Variants in CD300C observed in about 807,000 individuals in gnomAD.
CD300C encodes CMRF35-like molecule 6.
Under a neutral mutation model 18.4 loss-of-function variants are expected in CD300C, and 11 were observed. That is an observed-to-expected ratio of 0.60 (90% CI 0.38 to 0.99). The LOEUF (loss-of-function observed/expected upper bound fraction) is 0.99, where lower values mean the gene tolerates loss of function less well. CD300C is among the 50% of genes least tolerant of loss of function. The pLI is 0.01. For synonymous variants in CD300C, 116 were observed against 116.3 expected, an observed-to-expected ratio of 1.00 and a Z score of 0.02; for missense variants, 277 against 287.4, an observed-to-expected ratio of 0.96 and a Z score of 0.26.
downstream of CD300C, among the ~76,000 whole-genome samples, chr17:74,539,585 A>T (rs923354736): frequency 1.3e-5 from 2 of 152,038 alleles, no homozygotes; most frequent in Non-Finnish European, 2.9e-5. Flanking sequence ...CACCCACCTG[A>T]CCTGGCCTCT....
intron 2 of CD300C, among the ~76,000 whole-genome samples, 188 bp from the exon 3 acceptor site, chr17:74,543,175 A>G (rs1305714066): frequency 6.6e-6 from 1 of 152,172 alleles, no homozygotes; most frequent in Non-Finnish European, 1.5e-5. Flanking sequence ...TCCCATCCCT[A>G]GGTACTGCAG....
chr17:74,543,002 C>T lies in CD300C; in HGVS notation c.401-15G>A, dbSNP rs1418275106. The T allele has an allele frequency of 6.2e-7, 1 of 1,613,006 alleles. No homozygotes were observed. Among genetic ancestry groups the T allele is most frequent in the Admixed American group, 1.7e-5 (1 of 60,008 alleles). ...GGTCGTCCCGGCTGTGGGTGAAACA[C>T]AGGTCAACCTTGATGACATCACATG... On this transcript the variant is annotated splice_polypyrimidine_tract_variant and intron_variant, in intron 2 of 3. Transcript: ENST00000330793.
chr17:74,545,527 G>A (rs959733675), intron 1 of CD300C, among the ~76,000 whole-genome samples, 195 bp downstream of exon 1: 2 of 152,162 alleles, frequency 1.3e-5, no homozygotes, highest in Non-Finnish European at 2.9e-5. Context: ...CAGAGGAATA[G>A]GCCTCCCCCG....
Position 74,546,086 on chromosome 17 carries a change from CT to C in CD300C, c.-305del, listed in dbSNP as rs1908751495. ...GCAGCCACTTCCCCACAGCCCACAG[CT>C]TCTGGCTTCAGTGTGTTACTCACAC... On this transcript the variant is annotated 5_prime_UTR_variant, in exon 1 of 4. Coordinates refer to ENST00000330793, the MANE Select transcript of CD300C (RefSeq NM_006678.5). The C allele has an allele frequency of 2.8e-6, 1 of 361,514 alleles. No homozygotes were observed. The highest frequency in any genetic ancestry group is 3.9e-5 in the Admixed American group (1 of 25,600). 22.4% of individuals were successfully genotyped at this position (361,514 alleles called of 1,614,324 possible). A position where few individuals can be genotyped will look rare whatever the true frequency, so the allele number is the denominator to read the frequency against.
Position 74,541,702 on chromosome 17 carries a change from C to A in CD300C, c.562G>T (p.Val188Phe). ...AGGAGCAGGGGCAGCTCCAAGAGGACCAGGAGCAGGAAGCGGACATTGCTG... is the reference window on the plus strand; with the variant it reads ...AGGAGCAGGGGCAGCTCCAAGAGGAACAGGAGCAGGAAGCGGACATTGCTG... Reference protein sequence around the residue: ...LFSNVRFLLLVLLELPLLLSM... With the variant: ...LFSNVRFLLLFLLELPLLLSM... The change falls in exon 4 of 4, where the codon GTC becomes TTC. Residue 188 changes from valine to phenylalanine, a missense_variant. Transcript: ENST00000330793. 6 of 1,613,700 alleles carry A rather than the reference C, an allele frequency of 3.7e-6. No homozygotes were observed. The highest frequency in any genetic ancestry group is 5.1e-6 in the Non-Finnish European group (6 of 1,179,702).
downstream of CD300C, among the ~76,000 whole-genome samples, chr17:74,539,586 C>A (rs536929493): frequency 1.1e-3 from 170 of 152,306 alleles, no homozygotes; most frequent in African/African-American, 3.9e-3. Flanking sequence ...ACCCACCTGA[C>A]CTGGCCTCTG....
Position 74,541,433 on chromosome 17 carries a change from A to G in CD300C, c.*156T>C, listed in dbSNP as rs1042774. ...TCCATGTCCGTCAGGTTCACATGTG[A>G]CACATGAGGATCGGGCACAGGGAAA... On this transcript the variant is annotated 3_prime_UTR_variant, in exon 4 of 4. Coordinates refer to ENST00000330793, the MANE Select transcript of CD300C (RefSeq NM_006678.5). 6 of 667,154 alleles carry G rather than the reference A, an allele frequency of 9.0e-6. No individual in the cohort carries two copies. Among genetic ancestry groups the G allele is most frequent in the Non-Finnish European group, 1.1e-5 (4 of 367,780 alleles). The allele number at this position is 667,154 out of a possible 1,614,324, so 41.3% of individuals were successfully genotyped here. A position where few individuals can be genotyped will look rare whatever the true frequency, so the allele number is the denominator to read the frequency against.
chr17:74,540,562 G>A (rs1431345303), downstream of CD300C, among the ~76,000 whole-genome samples: 1 of 152,160 alleles, frequency 6.6e-6, no homozygotes, highest in Non-Finnish European at 1.5e-5. Flanking sequence ...CCCCAGGCGA[G>A]GCCCTCCTTG....
chr17:74,545,801 AC>A lies in CD300C; in HGVS notation c.-20del. 6.3e-7 allele frequency: 1 copy of A among 1,582,520 alleles called. No homozygotes were observed. The stretch of plus-strand genomic sequence containing the variant: ...CAGTCATTCCTGTAACACGAATGTC[AC>A]CTGCCACTGTGCAAGACCCCAGGAG... On this transcript the variant is annotated 5_prime_UTR_variant, in exon 1 of 4. Coordinates refer to ENST00000330793, the MANE Select transcript of CD300C (RefSeq NM_006678.5).
downstream of CD300C, among the ~76,000 whole-genome samples, chr17:74,539,638 C>G (rs1185271211): frequency 6.6e-6 from 1 of 152,204 alleles, no homozygotes; most frequent in African/African-American, 2.4e-5. Flanking sequence ...CAAGTGGCTC[C>G]AACCTCCTGG....
Position 74,541,658 on chromosome 17 carries a change from G to T in CD300C, c.606C>A (p.Val202=). Residue 202 remains valine (V), a synonymous_variant, in exon 4 of 4, where the codon GTC becomes GTA. Transcript: ENST00000330793. The part of the protein sequence containing the change: ...LPLLLSMLGA[V]LWVNRPQRSS... ...TTCTCTGAGGTCTGTTCACCCAGAG[G>T]ACGGCACCCAGCATGCTCAGGAGCA... The T allele has an allele frequency of 6.2e-7, 1 of 1,613,980 alleles. No individual in the cohort carries two copies. Among genetic ancestry groups the T allele is most frequent in the Non-Finnish European group, 8.5e-7 (1 of 1,179,880 alleles).
At chr17:74,542,626 A>G (rs948765353) in intron 3 of CD300C, among the ~76,000 whole-genome samples, 4 of 152,238 alleles carry the variant, frequency 2.6e-5, no homozygotes, top group African/African-American at 9.6e-5. Context: ...GACTTGCTCA[A>G]TGCGTGAATC....
Position 74,543,925 on chromosome 17 carries a change from C to G in CD300C, c.400+684G>C, listed in dbSNP as rs59205233. 4.6e-3 allele frequency among the ~76,000 whole-genome samples: 699 copies of G among 152,230 alleles called. 4 individuals carry two copies. The highest frequency in any genetic ancestry group is 0.016 in the African/African-American group (644 of 41,536). ...GGGTTCCCTCCTGTGGTAAAAGGTG[C>G]CAGAGAATAAGGGGGACACACAGGT... On this transcript the variant is annotated intron_variant, in intron 2 of 3. Transcript: ENST00000330793.
intron 1 of CD300C, among the ~76,000 whole-genome samples, chr17:74,545,426 G>C (rs1312273414): frequency 2.0e-5 from 3 of 152,126 alleles, no homozygotes; most frequent in African/African-American, 7.2e-5. Flanking sequence ...GTGACTGTGT[G>C]TGTGATCGTC....
chr17:74,540,624 C>A (rs1908515344), downstream of CD300C, among the ~76,000 whole-genome samples: 1 of 152,138 alleles, frequency 6.6e-6, no homozygotes. Context: ...TGGGTGTTGG[C>A]CAGGTCATCA....
chr17:74,541,764 G>A, intron 3 of CD300C, 28 bp from the exon 4 acceptor site: 1 of 1,600,522 alleles, frequency 6.2e-7, no homozygotes, highest in Non-Finnish European at 8.5e-7. Flanking sequence ...CAGGCAGTGA[G>A]TCACCTCCCC....
At chr17:74,543,133 C>G (rs1908617820) in intron 2 of CD300C, 146 bp from the exon 3 acceptor site, 1 of 1,061,910 alleles carries the variant, frequency 9.4e-7, no homozygotes. Flanking sequence ...CGGCCACACC[C>G]AGGCCTGACC....
At chr17:74,542,088 ACTCTCCT>A (rs1908571911) in intron 3 of CD300C, among the ~76,000 whole-genome samples, 1 of 151,800 alleles carries the variant, frequency 6.6e-6, no homozygotes, top group African/African-American at 2.4e-5. Context: ...TTTGGTGTCA[ACTCTCCT>A]GTACACAGCG....
At chr17:74,541,805 C>T (rs1051145527) in intron 3 of CD300C, 69 bp from the exon 4 acceptor site, 11 of 1,538,582 alleles carry the variant, frequency 7.1e-6, no homozygotes, top group Non-Finnish European at 9.7e-6. Flanking sequence ...CCACCATCCC[C>T]TGACCCTTGT....
Sources: gnomAD v4.1 joint callset for allele counts (sites outside exome capture counted in the v4.1 genomes callset) on GRCh38, gnomAD v4.1.1 for gene constraint, MANE v1.5 for transcripts, NCBI Gene and HGNC (gene_info 2026-07-23, HGNC 2026-07-21) for gene names.